ZNF800: variants seen among roughly 807,000 people sequenced by gnomAD.
The protein encoded by ZNF800 is zinc finger protein 800.
In ZNF800, 13 loss-of-function variants were observed where a neutral mutation model predicts 59.5. The observed-to-expected ratio is 0.22, with a 90% CI of 0.14 to 0.35. ZNF800 has a LOEUF of 0.35. Among genes scored for constraint, ZNF800 ranks in the 10% least tolerant of loss-of-function variants. The pLI is 1.00. For synonymous variants in ZNF800, 266 were observed against 265.7 expected (o/e 1.00, Z -0.01); for missense variants, 621 against 783.7 (o/e 0.79, Z 2.48).
chr7:127,390,481 G>A (rs1801275694), intron 2 of ZNF800, among the ~76,000 whole-genome samples: 1 of 152,082 alleles, frequency 6.6e-6, no homozygotes, highest in Admixed American at 6.5e-5. Flanking sequence ...CTGTAGCAAA[G>A]TTTTCTTAAA....
At chr7:127,346,934 G>A (rs911697810) in exon 2 of ZNF800, 7 of 152,556 alleles carry the variant, frequency 4.6e-5, no homozygotes, top group Non-Finnish European at 1.0e-4. Flanking sequence ...TTGCTCATCA[G>A]AGGAGTCCTA....
At chr7:127,388,531 A>C (rs1188008837) in intron 2 of ZNF800, among the ~76,000 whole-genome samples, 2 of 152,244 alleles carry the variant, frequency 1.3e-5, no homozygotes, top group Admixed American at 1.3e-4. Flanking sequence ...GAAAAAACAG[A>C]AATAAATAAG....
chr7:127,346,431 G>GT (rs1436631222), downstream of ZNF800, among the ~76,000 whole-genome samples: 1 of 152,182 alleles, frequency 6.6e-6, no homozygotes, highest in Non-Finnish European at 1.5e-5. Flanking sequence ...AAGGCAGATG[G>GT]TAAGATTTCT....
At chr7:127,375,203 T>C (rs6973862) in intron 4 of ZNF800, among the ~76,000 whole-genome samples, 169 bp from the exon 5 acceptor site, 97,418 of 151,916 alleles carry the variant, frequency 0.64, 31,641 homozygotes, top group East Asian at 0.86. Context: ...AGACTACTAT[T>C]AAACTAAAAT....
chr7:127,377,087 A>G lies in ZNF800; in HGVS notation c.301+99T>C, dbSNP rs1029714319. On this transcript the variant is annotated intron_variant, in intron 4 of 5. Transcript: ENST00000265827. This position sits in a 1 kb window ranked among gnomAD's most constrained non-coding sequence, Gnocchi z 4.7. Reference sequence around the variant, plus strand: ...ATCTGTAACTAGACATCATTATCAAATTATCAGTAACTAGATACAATTTTA... The same window carrying G: ...ATCTGTAACTAGACATCATTATCAAGTTATCAGTAACTAGATACAATTTTA... 21 of 1,095,646 alleles carry G rather than the reference A, an allele frequency of 1.9e-5. No homozygotes were observed. In the South Asian group the frequency reaches 4.1e-4, roughly 22 times the overall value. 67.9% of individuals were successfully genotyped at this position (1,095,646 alleles called of 1,614,324 possible). A position where few individuals can be genotyped will look rare whatever the true frequency, so the allele number is the denominator to read the frequency against.
downstream of ZNF800, among the ~76,000 whole-genome samples, chr7:127,365,548 C>T (rs1800486774): frequency 6.6e-6 from 1 of 151,940 alleles, no homozygotes. Context: ...CTAATGTTTA[C>T]CAAAACAAAA....
intron 5 of ZNF800, 32 bp downstream of exon 5, chr7:127,373,309 GA>G (rs746557903): frequency 6.5e-6 from 10 of 1,534,662 alleles, no homozygotes; most frequent in African/African-American, 1.4e-5. Context: ...TCGATGGGGG[GA>G]AAAAAGCAAA....
chr7:127,386,242 T>C (rs1376914908), intron 2 of ZNF800, 87 bp from the exon 3 acceptor site: 13 of 730,706 alleles, frequency 1.8e-5, no homozygotes, highest in Non-Finnish European at 3.0e-5. Context: ...AATGGCTTTC[T>C]ACAATTACAT....
intron 2 of ZNF800, among the ~76,000 whole-genome samples, chr7:127,386,743 A>G (rs1048634582): frequency 6.6e-5 from 10 of 152,216 alleles, no homozygotes; most frequent in Non-Finnish European, 1.3e-4. Flanking sequence ...CTTAATAGTG[A>G]CCAGATTAAA....
At chr7:127,348,402 T>C (rs1210705248) in intron 1 of ZNF800, among the ~76,000 whole-genome samples, 2 of 67,816 alleles carry the variant, frequency 2.9e-5, no homozygotes, top group African/African-American at 1.2e-4. Context: ...GTATCTATAA[T>C]AGAAAAAAAA....
chr7:127,363,419 G>C (rs1213131857), intron 1 of ZNF800: 1 of 151,868 alleles, frequency 6.6e-6, no homozygotes, highest in African/African-American at 2.4e-5. Flanking sequence ...TGGCAAAAGA[G>C]AAAGTATTAA....
chr7:127,361,394 T>G (rs940740864), intron 1 of ZNF800: 1 of 151,948 alleles, frequency 6.6e-6, no homozygotes, highest in Non-Finnish European at 1.5e-5. Flanking sequence ...CTGAGCAACA[T>G]AGAGAGACCT....
chr7:127,384,485 C>T (rs532975752), intron 3 of ZNF800, among the ~76,000 whole-genome samples: 122 of 151,898 alleles, frequency 8.0e-4, no homozygotes, highest in African/African-American at 9.9e-4. Flanking sequence ...CTGCCCGCCT[C>T]GGCCTCCCAA....
chr7:127,392,034 C>G (rs1167650287), intron 1 of ZNF800, 26 bp downstream of exon 1: 1 of 388,174 alleles, frequency 2.6e-6, no homozygotes, highest in Non-Finnish European at 4.6e-6. Context: ...AGACCCCGTC[C>G]CCACAACCAA....
At chr7:127,347,389 T>TGGGGGGGGGGGGGGGGGGGG (rs1163306523) in exon 2 of ZNF800, 1 of 37,116 alleles carries the variant, frequency 2.7e-5, no homozygotes, top group Non-Finnish European at 5.3e-5. Flanking sequence ...GGCGGGGGGG[T>TGGGGGGGGGGGGGGGGGGGG]GGGGAGGTGG....
intron 1 of ZNF800, chr7:127,363,336 A>T (rs1800434282): frequency 6.6e-6 from 1 of 152,074 alleles, no homozygotes; most frequent in Non-Finnish European, 1.5e-5. Context: ...CACTAAGAGT[A>T]TATAAAAAGA....
At chr7:127,372,817 A>AT (rs904617132) in intron 5 of ZNF800, 53 of 981,276 alleles carry the variant, frequency 5.4e-5, no homozygotes, top group South Asian at 2.4e-4. Context: ...CAATTCGGGG[A>AT]TTTTTTTTTC....
At chr7:127,361,379 C>A (rs984030059) in intron 1 of ZNF800, 19 of 152,056 alleles carry the variant, frequency 1.2e-4, no homozygotes, top group African/African-American at 4.4e-4. Flanking sequence ...GGATTCGACA[C>A]CAGCCTGAGC....
intron 3 of ZNF800, among the ~76,000 whole-genome samples, chr7:127,384,554 A>C (rs1310727656): frequency 1.3e-5 from 2 of 151,956 alleles, no homozygotes; most frequent in African/African-American, 4.8e-5. Flanking sequence ...TTCTCAATAA[A>C]AAAATGCTAT....
Sources: gnomAD v4.1 joint callset for allele counts (sites outside exome capture counted in the v4.1 genomes callset) on GRCh38, gnomAD v4.1.1 for gene constraint, Gnocchi (gnomAD v3.1) non-coding constraint, MANE v1.5 for transcripts, NCBI Gene and HGNC (gene_info 2026-07-23, HGNC 2026-07-21) for gene names.